The following ULK4 variants were observed in gnomAD, a reference collection of about 807,000 sequenced individuals.
ULK4 encodes the protein inactive serine/threonine-protein kinase ULK4.
ULK4 carries 133 observed loss-of-function variants against 160.6 expected under a neutral mutation model. The observed-to-expected ratio is 0.83, with a 90% CI of 0.72 to 0.96. ULK4 has a LOEUF of 0.96. Ranked by LOEUF, ULK4 falls within the 40% of genes least tolerant of loss-of-function variation. The pLI is 0.00. For missense variants in ULK4, 1,580 were observed against 1,499.5 expected (o/e 1.05, Z -0.89); for synonymous variants, 534 against 539.8 (o/e 0.99, Z 0.15).
intron 2 of ULK4, among the ~76,000 whole-genome samples, chr3:41,941,197 C>T (rs1470737349): frequency 2.6e-5 from 4 of 151,822 alleles, no homozygotes; most frequent in Admixed American, 6.6e-5. Flanking sequence ...CCACTACATT[C>T]GGCTGACTTT....
chr3:41,480,813 T>C (rs1020813606), intron 32 of ULK4, among the ~76,000 whole-genome samples: 17 of 152,154 alleles, frequency 1.1e-4, no homozygotes, highest in Admixed American at 9.2e-4. Flanking sequence ...AAACACGTCC[T>C]TCTTCACATG....
intron 29 of ULK4, among the ~76,000 whole-genome samples, chr3:41,672,080 T>C (rs866665994): frequency 1.2e-4 from 18 of 152,244 alleles, no homozygotes; most frequent in Middle Eastern, 6.8e-3. Flanking sequence ...TAAGAGATGT[T>C]GGCAAGGATG....
intron 25 of ULK4, among the ~76,000 whole-genome samples, chr3:41,714,858 A>AAAAAAAAAAAAG (rs2037213104): frequency 6.6e-6 from 1 of 151,714 alleles, no homozygotes; most frequent in African/African-American, 2.4e-5. Context: ...TCTTTAAAAA[A>AAAAAAAAAAAAG]AAAAAAGAAA....
At chr3:41,773,276 A>T (rs945789484) in intron 21 of ULK4, among the ~76,000 whole-genome samples, 2 of 152,220 alleles carry the variant, frequency 1.3e-5, no homozygotes, top group South Asian at 2.1e-4. Context: ...AGAGGAAGTC[A>T]AATTGTCCCT....
At chr3:41,932,878 T>C (rs1699643870) in intron 4 of ULK4, among the ~76,000 whole-genome samples, 1 of 152,026 alleles carries the variant, frequency 6.6e-6, no homozygotes, top group South Asian at 2.1e-4. Flanking sequence ...ACCTTATCTC[T>C]ACTCAAAATA....
intron 14 of ULK4, 126 bp downstream of exon 14, chr3:41,898,306 G>T: frequency 1.6e-6 from 1 of 617,742 alleles, no homozygotes; most frequent in Non-Finnish European, 2.8e-6. Context: ...ACTGCCCCAA[G>T]AATATAGCCA....
chr3:41,866,529 C>T (rs756015996), intron 17 of ULK4, among the ~76,000 whole-genome samples: 54 of 152,318 alleles, frequency 3.5e-4, no homozygotes, highest in Admixed American at 1.8e-3. Context: ...CTATGAGCAT[C>T]TAATGCCACT....
intron 32 of ULK4, among the ~76,000 whole-genome samples, chr3:41,532,868 A>C (rs550643731): frequency 2.6e-5 from 4 of 152,340 alleles, no homozygotes; most frequent in South Asian, 4.1e-4. Context: ...GTGGTAGATT[A>C]AAGATGGCCA....
intron 35 of ULK4, among the ~76,000 whole-genome samples, chr3:41,361,735 T>C (rs2081149295): frequency 6.6e-6 from 1 of 152,216 alleles, no homozygotes; most frequent in East Asian, 1.9e-4. Flanking sequence ...GAAATATTCA[T>C]AATAATAAAA....
chr3:41,424,731 C>T (rs568315578), intron 34 of ULK4, among the ~76,000 whole-genome samples: 2 of 148,038 alleles, frequency 1.4e-5, no homozygotes, highest in African/African-American at 5.0e-5. Context: ...AAAGCAATAA[C>T]AACAACAGCA....
Position 41,912,795 on chromosome 3 carries a change from A to G in ULK4, c.896+12T>C, listed in dbSNP as rs774533234. ...TAACTATGTCCCATACACAAAGGTA[A>G]GTGTATACTACCTGAGACTGAGATC... On this transcript the variant is annotated intron_variant, in intron 9 of 36. Transcript: ENST00000301831. 3.1e-6 allele frequency: 5 copies of G among 1,607,708 alleles called. No individual in the cohort carries two copies. The East Asian group carries it at 8.9e-5, about 29-fold the overall frequency.
intron 30 of ULK4, among the ~76,000 whole-genome samples, chr3:41,650,904 T>C (rs1278096130): frequency 1.3e-5 from 2 of 152,202 alleles, no homozygotes; most frequent in African/African-American, 2.4e-5. Flanking sequence ...CTCATTAACA[T>C]AGAGACAACA....
chr3:41,441,832 T>C (rs1226584881), intron 34 of ULK4, among the ~76,000 whole-genome samples: 2 of 152,290 alleles, frequency 1.3e-5, no homozygotes, highest in Non-Finnish European at 2.9e-5. Flanking sequence ...TTTTACCCTT[T>C]TGCTTCTAAT....
chr3:41,922,565 GA>G (rs2148815095), intron 5 of ULK4, among the ~76,000 whole-genome samples: 1 of 140,094 alleles, frequency 7.1e-6, no homozygotes, highest in East Asian at 2.3e-4. Flanking sequence ...AGGAAATCGT[GA>G]AGACAGGGTG....
At chr3:41,599,666 A>T (rs1056584227) in intron 31 of ULK4, among the ~76,000 whole-genome samples, 1 of 151,280 alleles carries the variant, frequency 6.6e-6, no homozygotes, top group African/African-American at 2.4e-5. Flanking sequence ...CTGGGTTCAA[A>T]CAATTCTCCC....
intron 31 of ULK4, among the ~76,000 whole-genome samples, chr3:41,570,259 T>G (rs1192593397): frequency 6.6e-6 from 1 of 152,196 alleles, no homozygotes; most frequent in African/African-American, 2.4e-5. Flanking sequence ...TCTAAAAATT[T>G]TGAACTTCAG....
chr3:41,691,687 C>A (rs2036305798), intron 27 of ULK4, among the ~76,000 whole-genome samples: 1 of 151,764 alleles, frequency 6.6e-6, no homozygotes, highest in African/African-American at 2.4e-5. Context: ...TGTCTTAGGA[C>A]CTGAGAAATT....
At chr3:41,621,599 A>G (rs1375979623) in intron 30 of ULK4, among the ~76,000 whole-genome samples, 1 of 152,232 alleles carries the variant, frequency 6.6e-6, no homozygotes, top group Non-Finnish European at 1.5e-5. Context: ...CTTACACTTT[A>G]TACAAAAATT....
intron 35 of ULK4, among the ~76,000 whole-genome samples, chr3:41,256,705 C>T (rs1346914671): frequency 1.3e-5 from 2 of 151,724 alleles, no homozygotes; most frequent in South Asian, 2.1e-4. Context: ...AAACATAATC[C>T]CTTAAAAAAA....
Sources: gnomAD v4.1 joint callset for allele counts (sites outside exome capture counted in the v4.1 genomes callset) on GRCh38, gnomAD v4.1.1 for gene constraint, MANE v1.5 for transcripts, NCBI Gene and HGNC (gene_info 2026-07-23, HGNC 2026-07-21) for gene names.